SRGAP3: variants seen among roughly 807,000 people sequenced by gnomAD.
SRGAP3 encodes SLIT-ROBO Rho GTPase activating protein 3.
In SRGAP3, 39 loss-of-function variants were observed where a neutral mutation model predicts 121.1. That is an observed-to-expected ratio of 0.32 (90% CI 0.25 to 0.42). SRGAP3 has a LOEUF of 0.42. Ranked by LOEUF, SRGAP3 falls within the 10% of genes least tolerant of loss-of-function variation. SRGAP3 has a pLI of 1.00. For synonymous variants in SRGAP3, 601 were observed against 570.0 expected (o/e 1.05, Z -0.77); for missense variants, 1,213 against 1,470.6 (o/e 0.82, Z 2.86).
intron 1 of SRGAP3, among the ~76,000 whole-genome samples, chr3:9,178,141 G>C (rs564248808): frequency 6.6e-6 from 1 of 152,324 alleles, no homozygotes; most frequent in South Asian, 2.1e-4. Flanking sequence ...GGTGGCGCAT[G>C]CCTGTAGTCT....
At chr3:9,315,765 TA>T (rs1277395275) in intron 3 of SRGAP3, among the ~76,000 whole-genome samples, 1 of 152,100 alleles carries the variant, frequency 6.6e-6, no homozygotes, top group Non-Finnish European at 1.5e-5. Flanking sequence ...TGTGAGCGCC[TA>T]AATGATGATA....
At chr3:9,205,931 T>G (rs945579377) in intron 1 of SRGAP3, among the ~76,000 whole-genome samples, 2 of 152,038 alleles carry the variant, frequency 1.3e-5, no homozygotes, top group African/African-American at 4.8e-5. Context: ...GTAGTCAGAT[T>G]CACAAAGACA....
In SRGAP3 at chr3:8,985,212, C is replaced by G. The variant is rs562275122; in HGVS notation, c.*307G>C. ...GAGAGAATGTCGAGAGAGGAAGTTT[C>G]CAGTGACGATATGCGGGAGAAGCCA... On this transcript the variant is annotated 3_prime_UTR_variant, in exon 22 of 22. Transcript: ENST00000383836. This position sits in a 1 kb window ranked among gnomAD's most constrained non-coding sequence, Gnocchi z 5.1. The G allele has an allele frequency of 2.3e-5, 11 of 479,300 alleles. No homozygotes were observed. Among genetic ancestry groups the G allele is most frequent in the African/African-American group, 2.2e-4 (11 of 51,126 alleles). 29.7% of individuals were successfully genotyped at this position (479,300 alleles called of 1,614,324 possible).
intron 7 of SRGAP3, among the ~76,000 whole-genome samples, chr3:9,057,531 G>T (rs966995702): frequency 6.6e-6 from 1 of 152,146 alleles, no homozygotes; most frequent in Non-Finnish European, 1.5e-5. Context: ...CATCTTCTCG[G>T]ATGCCTCCTT....
intron 12 of SRGAP3, among the ~76,000 whole-genome samples, chr3:9,027,444 A>AG (rs1944272526): frequency 6.6e-6 from 1 of 152,154 alleles, no homozygotes; most frequent in Non-Finnish European, 1.5e-5. Flanking sequence ...AGGGCACACC[A>AG]GGGGGGAAGC....
intron 1 of SRGAP3, among the ~76,000 whole-genome samples, chr3:9,191,789 A>T (rs1951760716): frequency 6.6e-6 from 1 of 152,144 alleles, no homozygotes; most frequent in Admixed American, 6.5e-5. Context: ...ATGGGGGCAG[A>T]TTTCTCATGA....
At position 9,128,057 on chromosome 3, in the gene SRGAP3, TA is replaced by T. The variant is rs111436336; in HGVS notation, c.68-3141del. 2.8e-3 allele frequency among the ~76,000 whole-genome samples: 412 copies of T among 146,666 alleles called. 3 individuals are homozygous for T. Among genetic ancestry groups the T allele is most frequent in the African/African-American group, 8.3e-3 (333 of 40,272 alleles). ...CATTTCAATTATACCTTAAAAAAGC[TA>T]AAAAAAAAAAATTCAGAATAAAGTC... On this transcript the variant is annotated intron_variant, in intron 1 of 21. Transcript: ENST00000383836.
At chr3:9,158,534 C>T (rs750372735) in intron 1 of SRGAP3, among the ~76,000 whole-genome samples, 4 of 152,184 alleles carry the variant, frequency 2.6e-5, no homozygotes, top group Non-Finnish European at 5.9e-5. Context: ...AAAATACCCC[C>T]GGTATTCATT....
chr3:9,247,103 A>T (rs1953853941), intron 1 of SRGAP3, among the ~76,000 whole-genome samples: 1 of 152,198 alleles, frequency 6.6e-6, no homozygotes, highest in Non-Finnish European at 1.5e-5. Flanking sequence ...TCCAAAACTC[A>T]ACATCCCCTT....
intron 3 of SRGAP3, among the ~76,000 whole-genome samples, chr3:9,280,360 C>T (rs1192488575): frequency 6.6e-6 from 1 of 152,240 alleles, no homozygotes; most frequent in African/African-American, 2.4e-5. Flanking sequence ...TCTGCTACTG[C>T]TGTGCTGCCG....
At chr3:9,162,830 G>C (rs1400019216) in intron 1 of SRGAP3, among the ~76,000 whole-genome samples, 1 of 152,216 alleles carries the variant, frequency 6.6e-6, no homozygotes, top group Non-Finnish European at 1.5e-5. Flanking sequence ...AGGGTGTTTT[G>C]AGGTTTAGTT....
At chr3:9,243,192 G>C (rs1240527760) in intron 1 of SRGAP3, among the ~76,000 whole-genome samples, 3 of 152,180 alleles carry the variant, frequency 2.0e-5, no homozygotes, top group South Asian at 2.1e-4. Context: ...AGTTTGGAAG[G>C]CATCGTGGAA....
intron 5 of SRGAP3, among the ~76,000 whole-genome samples, chr3:9,062,076 T>C (rs540555284): frequency 2.2e-4 from 19 of 85,378 alleles, no homozygotes; most frequent in African/African-American, 7.0e-4. Flanking sequence ...ACGCCAGCCA[T>C]GCACCTGACC....
At chr3:9,294,731 T>TGTGTGTGTGTGTGTGTGTGTGTGTGTGG (rs1954924263) in intron 3 of SRGAP3, among the ~76,000 whole-genome samples, 1 of 151,390 alleles carries the variant, frequency 6.6e-6, no homozygotes, top group African/African-American at 2.4e-5. Context: ...TGTGTGTGTG[T>TGTGTGTGTGTGTGTGTGTGTGTGTGTGG]GTGTGTGTGT....
intron 1 of SRGAP3, among the ~76,000 whole-genome samples, chr3:9,158,605 A>G (rs1440850934): frequency 6.6e-6 from 1 of 152,232 alleles, no homozygotes; most frequent in African/African-American, 2.4e-5. Flanking sequence ...CCACAGGCAG[A>G]AAGTGGCAAA....
At chr3:9,049,705 G>A (rs1945467857) in intron 9 of SRGAP3, among the ~76,000 whole-genome samples, 1 of 152,078 alleles carries the variant, frequency 6.6e-6, no homozygotes, top group African/African-American at 2.4e-5. Context: ...CACTGGAGGA[G>A]GAACCAGTGA....
At chr3:9,259,433 A>T (rs1954206842) in intron 3 of SRGAP3, among the ~76,000 whole-genome samples, 1 of 152,006 alleles carries the variant, frequency 6.6e-6, no homozygotes, top group African/African-American at 2.4e-5. Flanking sequence ...TCATACTGAA[A>T]CACCAGGTGT....
Position 9,312,057 on chromosome 3 carries a change from A to G in SRGAP3, n.442+13953T>C, listed in dbSNP as rs73811466. On this transcript the variant is annotated intron_variant and non_coding_transcript_variant, in intron 3 of 3. Transcript: ENST00000490889. ...ATCTAATCTGCACAATCGTCTGTGC[A>G]TGTGGGCCACAGGAACCACAGTTTT... 6.3e-3 allele frequency among the ~76,000 whole-genome samples: 964 copies of G among 152,378 alleles called. 15 individuals are homozygous for G. Among genetic ancestry groups the G allele is most frequent in the African/African-American group, 0.022 (922 of 41,588 alleles).
rs535919415 is a variant in SRGAP3 at position 9,147,843 on chromosome 3, C to T, written c.68-22926G>A. On this transcript the variant is annotated intron_variant, in intron 1 of 21. Coordinates refer to ENST00000383836, the MANE Select transcript of SRGAP3 (RefSeq NM_014850.4). ...GTGCCAGAGCCACTAAAGCAGATGA[C>T]ATGGGCAGGCCAGGGTCCACCAGGG... 3.3e-5 allele frequency among the ~76,000 whole-genome samples: 5 copies of T among 152,270 alleles called. No homozygotes were observed. In the South Asian group the frequency reaches 1.0e-3, roughly 32 times the overall value.
Sources: allele counts gnomAD v4.1 joint callset (sites outside exome capture counted in the v4.1 genomes callset), GRCh38; gene constraint gnomAD v4.1.1; non-coding constraint Gnocchi (gnomAD v3.1); transcripts MANE v1.5; gene names NCBI Gene and HGNC (gene_info 2026-07-23, HGNC 2026-07-21).